The following CACNB2 variants were observed in gnomAD, a reference collection of about 807,000 sequenced individuals.
CACNB2 encodes the protein voltage-dependent L-type calcium channel subunit beta-2.
CACNB2 carries 42 observed loss-of-function variants against 73.3 expected under a neutral mutation model. That is an observed-to-expected ratio of 0.57 (90% CI 0.45 to 0.74). The LOEUF (loss-of-function observed/expected upper bound fraction) is 0.74, where lower values mean the gene tolerates loss of function less well. Ranked by LOEUF, CACNB2 falls within the 30% of genes least tolerant of loss-of-function variation. The probability of loss-of-function intolerance (pLI) is 0.00; values close to 1 mark genes in which losing one functional copy is unlikely to be tolerated. For missense variants in CACNB2, 940 were observed against 853.0 expected, an observed-to-expected ratio of 1.10 and a Z score of -1.27; for synonymous variants, 348 against 310.3, an observed-to-expected ratio of 1.12 and a Z score of -1.28.
intron 2 of CACNB2, among the ~76,000 whole-genome samples, chr10:18,225,588 C>G (rs1471263588): frequency 7.9e-6 from 1 of 127,090 alleles, no homozygotes; most frequent in Non-Finnish European, 1.6e-5. Context: ...CTCCTTCCTT[C>G]CTTCCTTCCT....
At chr10:18,323,954 T>TA (rs2040487011) in intron 2 of CACNB2, among the ~76,000 whole-genome samples, 2 of 152,346 alleles carry the variant, frequency 1.3e-5, no homozygotes, top group African/African-American at 4.8e-5. Context: ...AATGGCATGT[T>TA]ATATTCCATG....
chr10:18,245,004 G>A (rs1470332176), intron 2 of CACNB2, among the ~76,000 whole-genome samples: 2 of 152,070 alleles, frequency 1.3e-5, no homozygotes, highest in African/African-American at 4.8e-5. Context: ...ATGAGCCAAG[G>A]AATACAGCAG....
intron 3 of CACNB2, among the ~76,000 whole-genome samples, chr10:18,475,998 A>G (rs947345995): frequency 1.3e-5 from 2 of 152,206 alleles, no homozygotes; most frequent in Admixed American, 6.5e-5. Context: ...AAAAAAGAAA[A>G]AAGAATGGCT....
intron 1 of CACNB2, among the ~76,000 whole-genome samples, chr10:18,148,881 T>A (rs931574874): frequency 4.0e-5 from 6 of 151,634 alleles, no homozygotes; most frequent in Non-Finnish European, 7.4e-5. Flanking sequence ...TAGTTCCAGT[T>A]ACTTGGGAGG....
In CACNB2 at chr10:18,156,411, T is replaced by G. The variant is rs377248849; in HGVS notation, c.213+5436T>G. On this transcript the variant is annotated intron_variant, in intron 2 of 13. Coordinates refer to ENST00000324631, the MANE Select transcript of CACNB2 (RefSeq NM_201596.3). ...ATCAACTTATTTGAAGTCAGTGATA[T>G]GTTACAAGAGGATTGGGGAAATGAC... 9.2e-5 allele frequency among the ~76,000 whole-genome samples: 14 copies of G among 152,332 alleles called. No individual in the cohort carries two copies. The East Asian group carries it at 2.7e-3, about 29-fold the overall frequency.
intron 2 of CACNB2, among the ~76,000 whole-genome samples, chr10:18,311,526 G>C (rs186618871): frequency 7.7e-4 from 117 of 152,242 alleles, no homozygotes; most frequent in Non-Finnish European, 1.5e-3. Flanking sequence ...TCAACAGTCA[G>C]TTAACACATG....
chr10:18,241,547 A>G (rs997784514), intron 2 of CACNB2, among the ~76,000 whole-genome samples: 1 of 152,052 alleles, frequency 6.6e-6, no homozygotes, highest in Non-Finnish European at 1.5e-5. Flanking sequence ...AGAAACCTGC[A>G]TGTTATGTAC....
At chr10:18,179,902 G>T (rs1412508222) in intron 2 of CACNB2, among the ~76,000 whole-genome samples, 2 of 152,118 alleles carry the variant, frequency 1.3e-5, no homozygotes, top group African/African-American at 4.8e-5. Context: ...GTGACAGAGG[G>T]GCGTGTTATT....
At chr10:18,427,032 G>A (rs111427805) in intron 3 of CACNB2, among the ~76,000 whole-genome samples, 10,901 of 143,750 alleles carry the variant, frequency 0.076, 506 homozygotes, top group Non-Finnish European at 0.1. Context: ...CTCGGCTCAC[G>A]GCAACCTCCG....
At chr10:18,398,935 T>A (rs1027235638) in intron 2 of CACNB2, among the ~76,000 whole-genome samples, 1 of 152,058 alleles carries the variant, frequency 6.6e-6, no homozygotes. Flanking sequence ...ATGTAAAAGC[T>A]CCATCTGAAT....
At chr10:18,332,100 G>A (rs2040829371) in intron 2 of CACNB2, among the ~76,000 whole-genome samples, 1 of 152,160 alleles carries the variant, frequency 6.6e-6, no homozygotes, top group South Asian at 2.1e-4. Context: ...ATCTCCCCAG[G>A]CCCTGCAGGC....
intron 2 of CACNB2, among the ~76,000 whole-genome samples, chr10:18,247,232 C>A (rs2036901136): frequency 6.6e-6 from 1 of 152,190 alleles, no homozygotes; most frequent in Non-Finnish European, 1.5e-5. Context: ...GGCTTCCTCC[C>A]ATGCAGAGTT....
At chr10:18,399,224 A>G (rs1443643851) in intron 2 of CACNB2, among the ~76,000 whole-genome samples, 1 of 152,110 alleles carries the variant, frequency 6.6e-6, no homozygotes, top group South Asian at 2.1e-4. Flanking sequence ...GTAATTTTCT[A>G]CTGTGCTGCT....
chr10:18,452,736 C>CTA (rs1198713636), intron 3 of CACNB2, among the ~76,000 whole-genome samples: 1 of 152,170 alleles, frequency 6.6e-6, no homozygotes, highest in Admixed American at 6.5e-5. Flanking sequence ...CAGAAGTTCT[C>CTA]TACCTAGGAT....
chr10:18,238,829 TTAAC>T (rs2036543348), intron 2 of CACNB2, among the ~76,000 whole-genome samples: 1 of 152,242 alleles, frequency 6.6e-6, no homozygotes, highest in African/African-American at 2.4e-5. Context: ...ATCTCTGCCT[TTAAC>T]TAACACAACC....
chr10:18,450,396 T>A (rs1015106573), intron 3 of CACNB2, among the ~76,000 whole-genome samples: 2 of 152,012 alleles, frequency 1.3e-5, no homozygotes, highest in African/African-American at 4.8e-5. Flanking sequence ...GCCAGTGCTT[T>A]TAGTAATTAT....
intron 2 of CACNB2, among the ~76,000 whole-genome samples, chr10:18,360,051 C>T (rs1291747440): frequency 1.3e-5 from 2 of 152,058 alleles, no homozygotes; most frequent in African/African-American, 4.8e-5. Context: ...GGTGATCCAG[C>T]GTCACACAGA....
chr10:18,435,697 G>C (rs1423590171), intron 3 of CACNB2, among the ~76,000 whole-genome samples: 1 of 151,646 alleles, frequency 6.6e-6, no homozygotes, highest in African/African-American at 2.4e-5. Context: ...ATGGGGTTTC[G>C]CCATGTTGCC....
chr10:18,397,320 C>T (rs1317582297), intron 2 of CACNB2, among the ~76,000 whole-genome samples: 1 of 151,988 alleles, frequency 6.6e-6, no homozygotes, highest in Non-Finnish European at 1.5e-5. Context: ...CAAAAATTAG[C>T]CGGGCCTGGT....
Sources: gnomAD v4.1 joint callset for allele counts (sites outside exome capture counted in the v4.1 genomes callset) on GRCh38, gnomAD v4.1.1 for gene constraint, MANE v1.5 for transcripts, NCBI Gene and HGNC (gene_info 2026-07-23, HGNC 2026-07-21) for gene names.